SUGCT: variants seen among roughly 807,000 people sequenced by gnomAD.
The protein encoded by SUGCT is succinyl-CoA:glutarate-CoA transferase.
A neutral mutation model predicts 55.0 loss-of-function variants in SUGCT; 41 were observed. The observed-to-expected ratio is 0.74, with a 90% CI of 0.58 to 0.97. SUGCT has a LOEUF of 0.97. Ranked by LOEUF, SUGCT falls within the 50% of genes least tolerant of loss-of-function variation. The pLI, the probability that SUGCT is intolerant of heterozygous loss-of-function variation, is 0.00. For missense variants in SUGCT, 568 were observed against 547.8 expected (o/e 1.04, Z -0.37); for synonymous variants, 187 against 200.4 (o/e 0.93, Z 0.56).
At chr7:40,850,597 CTT>C (rs1189806588) in intron 13 of SUGCT, among the ~76,000 whole-genome samples, 3 of 151,986 alleles carry the variant, frequency 2.0e-5, no homozygotes, top group Admixed American at 2.0e-4. Context: ...TCCCGTGCCT[CTT>C]TTTTATTCTC....
chr7:40,695,752 G>A (rs1158338427), intron 12 of SUGCT, among the ~76,000 whole-genome samples: 1 of 152,064 alleles, frequency 6.6e-6, no homozygotes, highest in South Asian at 2.1e-4. Context: ...CGTTATGGGG[G>A]CTGTCTTGTG....
chr7:40,248,893 C>T (rs1790101740), intron 7 of SUGCT, among the ~76,000 whole-genome samples: 1 of 124,332 alleles, frequency 8.0e-6, no homozygotes, highest in Non-Finnish European at 1.7e-5. Flanking sequence ...CGCTCGCACA[C>T]ACACACACAC....
chr7:40,597,122 A>G (rs1468415715), intron 12 of SUGCT, among the ~76,000 whole-genome samples: 1 of 152,218 alleles, frequency 6.6e-6, no homozygotes, highest in Non-Finnish European at 1.5e-5. Context: ...TAGAACTTAT[A>G]TCTTTTTGTT....
intron 12 of SUGCT, among the ~76,000 whole-genome samples, chr7:40,745,930 A>T (rs1562977127): frequency 1.3e-5 from 2 of 152,170 alleles, no homozygotes; most frequent in Admixed American, 6.5e-5. Context: ...AAAACAAAAC[A>T]TTTTTTAATT....
intron 12 of SUGCT, among the ~76,000 whole-genome samples, chr7:40,588,472 A>G (rs1797527315): frequency 6.6e-6 from 1 of 152,146 alleles, no homozygotes; most frequent in African/African-American, 2.4e-5. Context: ...ACAGGAGGTA[A>G]GGGGTTATCT....
chr7:40,430,819 A>G (rs1271332417), intron 9 of SUGCT, among the ~76,000 whole-genome samples: 1 of 152,076 alleles, frequency 6.6e-6, no homozygotes, highest in Non-Finnish European at 1.5e-5. Flanking sequence ...CAGGGATAAG[A>G]TAATGGCCTG....
At chr7:40,616,429 G>T (rs1013367666) in intron 12 of SUGCT, among the ~76,000 whole-genome samples, 1 of 152,124 alleles carries the variant, frequency 6.6e-6, no homozygotes, top group African/African-American at 2.4e-5. Flanking sequence ...TGATCTACCC[G>T]CCTCAGCCTC....
the SUGCT span, among the ~76,000 whole-genome samples, chr7:40,866,006 T>C: frequency 2.6e-5 from 4 of 152,158 alleles, no homozygotes; most frequent in South Asian, 6.2e-4. Context: ...GTTAGTTTCT[T>C]TGGCTCCTGA....
At chr7:40,779,434 A>G (rs1299808207) in intron 13 of SUGCT, among the ~76,000 whole-genome samples, 1 of 152,194 alleles carries the variant, frequency 6.6e-6, no homozygotes, top group Non-Finnish European at 1.5e-5. Context: ...AAATTGTATG[A>G]AACACTTTTG....
the SUGCT span, among the ~76,000 whole-genome samples, chr7:40,934,327 G>A: frequency 6.6e-6 from 1 of 152,144 alleles, no homozygotes; most frequent in Non-Finnish European, 1.5e-5. Context: ...TCCCAGAGGG[G>A]CACCTACCTG....
chr7:40,274,464 C>CT (rs764604582), intron 7 of SUGCT, 49 bp from the exon 8 acceptor site: 6 of 1,578,774 alleles, frequency 3.8e-6, no homozygotes, highest in Non-Finnish European at 5.2e-6. Context: ...TCATATGATT[C>CT]TTTTAATGTT....
At chr7:40,190,812 T>C (rs1164759945) in intron 5 of SUGCT, among the ~76,000 whole-genome samples, 2 of 152,150 alleles carry the variant, frequency 1.3e-5, no homozygotes, top group Non-Finnish European at 2.9e-5. Flanking sequence ...AATCTGTGCA[T>C]ACTCAAGTCC....
At chr7:40,691,158 G>A (rs1050081050) in intron 12 of SUGCT, among the ~76,000 whole-genome samples, 1 of 152,230 alleles carries the variant, frequency 6.6e-6, no homozygotes, top group African/African-American at 2.4e-5. Context: ...AAGTGGAGCT[G>A]CATGAAATCC....
At chr7:40,648,074 CAA>C (rs1422922999) in intron 12 of SUGCT, among the ~76,000 whole-genome samples, 1 of 152,118 alleles carries the variant, frequency 6.6e-6, no homozygotes, top group Non-Finnish European at 1.5e-5. Flanking sequence ...GCAAAGACTA[CAA>C]AAGTCTAGAA....
chr7:40,251,481 A>C (rs1483242919), intron 7 of SUGCT, among the ~76,000 whole-genome samples: 2 of 152,184 alleles, frequency 1.3e-5, no homozygotes, highest in African/African-American at 4.8e-5. Context: ...CAGGAGGCCA[A>C]GCCTTGCGGG....
At chr7:41,000,774 C>T in the SUGCT span, among the ~76,000 whole-genome samples, 9 of 151,970 alleles carry the variant, frequency 5.9e-5, no homozygotes, top group South Asian at 6.2e-4. Flanking sequence ...TTTCATGGAC[C>T]GGAGAAAAGA....
chr7:40,747,586 G>A (rs927052714), intron 12 of SUGCT, among the ~76,000 whole-genome samples: 4 of 152,140 alleles, frequency 2.6e-5, no homozygotes, highest in African/African-American at 7.2e-5. Flanking sequence ...GCATGAAATC[G>A]TGGTCTGTAA....
At chr7:40,811,338 T>C (rs1408077401) in intron 13 of SUGCT, among the ~76,000 whole-genome samples, 1 of 152,180 alleles carries the variant, frequency 6.6e-6, no homozygotes, top group African/African-American at 2.4e-5. Flanking sequence ...TGGCATTGAA[T>C]ATGTAGATTG....
At chr7:40,456,150 T>A (rs1789475323) in intron 10 of SUGCT, among the ~76,000 whole-genome samples, 1 of 152,106 alleles carries the variant, frequency 6.6e-6, no homozygotes. Context: ...CTCAGCCTCC[T>A]GAGTAGCTGG....
Sources: allele counts gnomAD v4.1 joint callset (sites outside exome capture counted in the v4.1 genomes callset), GRCh38; gene constraint gnomAD v4.1.1; transcripts MANE v1.5; gene names NCBI Gene and HGNC (gene_info 2026-07-23, HGNC 2026-07-21).